The following PDE1C variants were observed in gnomAD, a reference collection of about 807,000 sequenced individuals.
PDE1C encodes dual specificity calcium/calmodulin-dependent 3',5'-cyclic nucleotide phosphodiesterase 1C.
In PDE1C, 62 loss-of-function variants were observed where a neutral mutation model predicts 93.1. The ratio of observed to expected loss-of-function variants is 0.67; its 90% CI spans 0.54 to 0.82. The LOEUF is 0.82. Ranked by LOEUF, PDE1C falls within the 40% of genes least tolerant of loss-of-function variation. The probability of loss-of-function intolerance (pLI) is 0.00; values close to 1 mark genes in which losing one functional copy is unlikely to be tolerated. For missense variants in PDE1C, 742 were observed against 884.6 expected (o/e 0.84, Z 2.04); for synonymous variants, 325 against 310.1 (o/e 1.05, Z -0.50).
At chr7:31,687,510 A>G in the PDE1C span, among the ~76,000 whole-genome samples, 5 of 152,320 alleles carry the variant, frequency 3.3e-5, no homozygotes, top group South Asian at 2.1e-4. Context: ...TCTGTAAAAG[A>G]CTGAACCCTC....
At chr7:32,348,374 TTTTTTTTTG>T in intron 1 of PDE1C, among the ~76,000 whole-genome samples, 1 of 140,612 alleles carries the variant, frequency 7.1e-6, no homozygotes. Context: ...TTTTTTTTTT[TTTTTTTTTG>T]AGATGGGGTC....
intron 2 of PDE1C, among the ~76,000 whole-genome samples, chr7:31,986,794 G>A (rs1783448728): frequency 6.6e-6 from 1 of 152,136 alleles, no homozygotes; most frequent in African/African-American, 2.4e-5. Context: ...CTCCAGAACT[G>A]TGAGGGAAAA....
chr7:31,954,609 T>C (rs543155400), intron 2 of PDE1C, among the ~76,000 whole-genome samples: 6 of 152,340 alleles, frequency 3.9e-5, no homozygotes, highest in Non-Finnish European at 7.3e-5. Context: ...CAAGGATCTG[T>C]CCCTCTGGCT....
intron 3 of PDE1C, among the ~76,000 whole-genome samples, chr7:32,083,438 T>C (rs1260381270): frequency 1.3e-5 from 2 of 152,098 alleles, no homozygotes; most frequent in Non-Finnish European, 2.9e-5. Context: ...CAGGATATTA[T>C]CCAGGAGAAC....
intron 4 of PDE1C, 145 bp downstream of exon 4, chr7:31,878,851 T>A: frequency 1.3e-6 from 1 of 744,764 alleles, no homozygotes; most frequent in South Asian, 2.0e-5. Context: ...TTTTTGCCAT[T>A]TCTCATTCAA....
the PDE1C span, among the ~76,000 whole-genome samples, chr7:31,633,177 G>C: frequency 3.3e-5 from 5 of 152,248 alleles, no homozygotes; most frequent in Admixed American, 6.5e-5. Flanking sequence ...GAGCTACCGC[G>C]ACCGGCCAGG....
the PDE1C span, among the ~76,000 whole-genome samples, chr7:31,650,233 G>A: frequency 6.6e-6 from 1 of 152,216 alleles, no homozygotes; most frequent in Non-Finnish European, 1.5e-5. Flanking sequence ...AAGGGCCTAT[G>A]TCAGGTGTTG....
At chr7:31,669,780 C>CA in the PDE1C span, among the ~76,000 whole-genome samples, 2 of 152,210 alleles carry the variant, frequency 1.3e-5, no homozygotes, top group African/African-American at 4.8e-5. Flanking sequence ...CTTTTCAACA[C>CA]AATTTTCAAT....
intron 2 of PDE1C, among the ~76,000 whole-genome samples, chr7:32,009,538 C>T (rs534468955): frequency 2.6e-5 from 4 of 152,264 alleles, no homozygotes; most frequent in Middle Eastern, 3.4e-3. Flanking sequence ...AATTTACTAC[C>T]TTGTACTTTT....
chr7:31,654,835 A>G, the PDE1C span, among the ~76,000 whole-genome samples: 3 of 152,138 alleles, frequency 2.0e-5, no homozygotes, highest in Admixed American at 6.5e-5. Flanking sequence ...AACTAATTCT[A>G]TTGAAACCAC....
At chr7:31,911,948 C>T (rs1801296014) in intron 2 of PDE1C, among the ~76,000 whole-genome samples, 1 of 152,158 alleles carries the variant, frequency 6.6e-6, no homozygotes. Context: ...AGAATCACCA[C>T]CCCATAGCTT....
At chr7:32,144,099 G>A (rs537003492) in intron 3 of PDE1C, among the ~76,000 whole-genome samples, 6 of 152,240 alleles carry the variant, frequency 3.9e-5, no homozygotes, top group African/African-American at 1.4e-4. Flanking sequence ...AAAGAGTCTA[G>A]TGTTTCAGAC....
chr7:31,670,461 T>A, the PDE1C span, among the ~76,000 whole-genome samples: 5 of 152,210 alleles, frequency 3.3e-5, no homozygotes, highest in Non-Finnish European at 7.3e-5. Context: ...GCGATTTTCT[T>A]CCAGGTTCTA....
At chr7:32,081,553 A>T (rs1268799381) in intron 3 of PDE1C, among the ~76,000 whole-genome samples, 1 of 152,194 alleles carries the variant, frequency 6.6e-6, no homozygotes, top group Admixed American at 6.5e-5. Flanking sequence ...ACAGAATTCA[A>T]CCTATCAGAA....
intron 1 of PDE1C, among the ~76,000 whole-genome samples, chr7:32,060,493 C>G (rs755400313): frequency 2.6e-5 from 4 of 152,176 alleles, no homozygotes; most frequent in Non-Finnish European, 5.9e-5. Context: ...AACACACGCT[C>G]TATAAATCTC....
At chr7:31,971,775 C>G (rs1810994164) in intron 2 of PDE1C, among the ~76,000 whole-genome samples, 1 of 152,210 alleles carries the variant, frequency 6.6e-6, no homozygotes, top group Non-Finnish European at 1.5e-5. Context: ...CCTTCTTCCT[C>G]CAAGGTATGT....
At chr7:32,282,512 G>GATAGATAGATA (rs1562647710) in intron 1 of PDE1C, among the ~76,000 whole-genome samples, 7 of 7,592 alleles carry the variant, frequency 9.2e-4, no homozygotes, top group African/African-American at 1.9e-3. Flanking sequence ...ATAGATAGAT[G>GATAGATAGATA]GTCAATTAAC....
chr7:32,148,781 G>T (rs947434312), intron 3 of PDE1C, among the ~76,000 whole-genome samples: 2 of 151,974 alleles, frequency 1.3e-5, no homozygotes, highest in Non-Finnish European at 2.9e-5. Flanking sequence ...TATAAATGTG[G>T]GTTGAATAAA....
intron 1 of PDE1C, among the ~76,000 whole-genome samples, chr7:32,057,794 T>A (rs1268217885): frequency 6.6e-6 from 1 of 152,156 alleles, no homozygotes; most frequent in African/African-American, 2.4e-5. Context: ...GGCTAGGAGT[T>A]CCCAGAGTAC....
Sources: allele counts gnomAD v4.1 joint callset (sites outside exome capture counted in the v4.1 genomes callset), GRCh38; gene constraint gnomAD v4.1.1; transcripts MANE v1.5; gene names NCBI Gene and HGNC (gene_info 2026-07-23, HGNC 2026-07-21).